Variants in RAPGEF6 observed in about 807,000 individuals in gnomAD.
RAPGEF6 encodes the protein Rap guanine nucleotide exchange factor 6, also known as PDZ domain containing guanine nucleotide exchange factor (GEF) 2.
RAPGEF6 carries 56 observed loss-of-function variants against 171.4 expected under a neutral mutation model. The observed-to-expected ratio is 0.33, with a 90% CI of 0.26 to 0.41. RAPGEF6 has a LOEUF of 0.41. RAPGEF6 is among the 10% of genes least tolerant of loss of function. RAPGEF6 has a pLI of 1.00. For missense variants in RAPGEF6, 1,674 were observed against 1,921.4 expected (o/e 0.87, Z 2.41); for synonymous variants, 692 against 650.1 (o/e 1.06, Z -0.98).
intron 1 of RAPGEF6, among the ~76,000 whole-genome samples, chr5:131,610,255 A>G (rs1764859170): frequency 6.6e-6 from 1 of 152,088 alleles, no homozygotes; most frequent in Admixed American, 6.6e-5. Flanking sequence ...ACAGCTATGG[A>G]CTCTGCATGT....
rs543343449 is a variant in RAPGEF6, at chr5:131,426,026, C to T, written c.*1240G>A. ...CAAAAATGTGAAAAATCTGCCTCATCCAGTAAACAGTCACTGAAATTTTAA... is the reference window on the plus strand; with the variant it reads ...CAAAAATGTGAAAAATCTGCCTCATTCAGTAAACAGTCACTGAAATTTTAA... On this transcript the variant is annotated 3_prime_UTR_variant, in exon 28 of 28. Coordinates refer to ENST00000509018, the MANE Select transcript of RAPGEF6 (RefSeq NM_016340.6). 1 of 151,198 alleles carries T rather than the reference C, an allele frequency of 6.6e-6. No individual in the cohort carries two copies. Among genetic ancestry groups the T allele is most frequent in the Admixed American group, 6.6e-5 (1 of 15,102 alleles). The allele number at this position is 151,198 out of a possible 1,614,324, so 9.4% of individuals were successfully genotyped here.
intron 1 of RAPGEF6, among the ~76,000 whole-genome samples, chr5:131,624,406 A>C (rs1430421604): frequency 6.6e-6 from 1 of 152,230 alleles, no homozygotes; most frequent in African/African-American, 2.4e-5. Flanking sequence ...ATGACTAGCA[A>C]GGAAAGCCCC....
At chr5:131,535,372 A>G (rs996381114) in intron 6 of RAPGEF6, among the ~76,000 whole-genome samples, 4 of 152,192 alleles carry the variant, frequency 2.6e-5, no homozygotes, top group African/African-American at 9.6e-5. Flanking sequence ...AATTTATCAA[A>G]TAACTAAAAT....
chr5:131,573,142 G>A (rs1762404901), intron 4 of RAPGEF6, among the ~76,000 whole-genome samples: 1 of 151,810 alleles, frequency 6.6e-6, no homozygotes, highest in Non-Finnish European at 1.5e-5. Context: ...TTCTCCCCTG[G>A]CCGCACCTTG....
At chr5:131,466,183 A>C (rs1467197326) in intron 17 of RAPGEF6, among the ~76,000 whole-genome samples, 1 of 151,478 alleles carries the variant, frequency 6.6e-6, no homozygotes, top group Non-Finnish European at 1.5e-5. Context: ...AAGGAGTCTT[A>C]GCCAACATAT....
chr5:131,528,338 TACACACACACAC>T (rs372339216), intron 6 of RAPGEF6, among the ~76,000 whole-genome samples: 5 of 26,268 alleles, frequency 1.9e-4, no homozygotes, highest in African/African-American at 3.0e-4. Flanking sequence ...TATATATATA[TACACACACACAC>T]ACATATATAT....
chr5:131,480,306 A>G (rs1755385428), intron 15 of RAPGEF6, among the ~76,000 whole-genome samples: 2 of 152,188 alleles, frequency 1.3e-5, no homozygotes, highest in Middle Eastern at 3.2e-3. Context: ...ATTTGGGTGT[A>G]CATGGGGTGG....
chr5:131,441,280 A>G (rs1371144844), intron 23 of RAPGEF6, among the ~76,000 whole-genome samples: 1 of 152,254 alleles, frequency 6.6e-6, no homozygotes, highest in African/African-American at 2.4e-5. Context: ...AGACTGATAT[A>G]TAAAATTAGT....
chr5:131,602,496 C>T (rs1341937331), intron 3 of RAPGEF6, among the ~76,000 whole-genome samples: 1 of 152,132 alleles, frequency 6.6e-6, no homozygotes, highest in African/African-American at 2.4e-5. Flanking sequence ...CACGGTGGCT[C>T]ACACCTGTAA....
Position 131,629,419 on chromosome 5 carries a change from C to T in RAPGEF6, c.69+5543G>A, listed in dbSNP as rs570195406. Among the ~76,000 whole-genome samples the T allele has an allele frequency of 7.9e-5, 12 of 152,010 alleles. No homozygotes were observed. In the East Asian group the frequency reaches 1.2e-3, roughly 15 times the overall value. ...CCTTTATGAATGACTTTGAAGGGTA[C>T]AACACTTCAGTGAAGGAAGCAACTG... On this transcript the variant is annotated intron_variant, in intron 1 of 27. Transcript: ENST00000509018.
At chr5:131,509,183 C>T (rs960742321) in intron 8 of RAPGEF6, among the ~76,000 whole-genome samples, 4 of 152,142 alleles carry the variant, frequency 2.6e-5, no homozygotes, top group African/African-American at 9.7e-5. Context: ...TAGTATCATT[C>T]AACTTCCCAA....
Position 131,451,242 on chromosome 5 carries a change from T to A in RAPGEF6, c.3200+1812A>T, listed in dbSNP as rs571662990. Among the ~76,000 whole-genome samples the A allele has an allele frequency of 3.3e-5, 5 of 152,244 alleles. No individual in the cohort carries two copies. The South Asian group carries it at 8.3e-4, about 25-fold the overall frequency. On this transcript the variant is annotated intron_variant, in intron 21 of 27. Coordinates refer to ENST00000509018, the MANE Select transcript of RAPGEF6 (RefSeq NM_016340.6). The stretch of plus-strand genomic sequence containing the variant: ...CACACTCTCCCTTCCTTCCATGCTT[T>A]GTGGATCTCTAAACCAGAGAAACCA...
At chr5:131,528,851 C>G (rs901746487) in intron 6 of RAPGEF6, among the ~76,000 whole-genome samples, 6 of 152,086 alleles carry the variant, frequency 3.9e-5, no homozygotes, top group African/African-American at 1.4e-4. Flanking sequence ...TGAAGAAAGT[C>G]TGTCAAGGAG....
intron 1 of RAPGEF6, among the ~76,000 whole-genome samples, chr5:131,613,283 G>A (rs568552165): frequency 8.5e-5 from 13 of 152,174 alleles, no homozygotes; most frequent in Non-Finnish European, 1.6e-4. Context: ...GGTGGCGGGC[G>A]CCTACAGTCC....
intron 4 of RAPGEF6, among the ~76,000 whole-genome samples, chr5:131,564,723 GACA>G (rs776680254): frequency 1.3e-4 from 20 of 152,232 alleles, no homozygotes; most frequent in Middle Eastern, 3.4e-3. Context: ...GAAATCAACA[GACA>G]ACAATATTAT....
chr5:131,577,115 G>T (rs1003249594), intron 4 of RAPGEF6, among the ~76,000 whole-genome samples: 1 of 152,140 alleles, frequency 6.6e-6, no homozygotes, highest in African/African-American at 2.4e-5. Context: ...GGTCTGAGAA[G>T]GCCACCGCAG....
At chr5:131,526,997 C>T (rs900504050) in intron 6 of RAPGEF6, among the ~76,000 whole-genome samples, 1 of 152,064 alleles carries the variant, frequency 6.6e-6, no homozygotes, top group Non-Finnish European at 1.5e-5. Context: ...ATATAATCAG[C>T]AATGCCAAGC....
intron 1 of RAPGEF6, among the ~76,000 whole-genome samples, chr5:131,617,368 CTGTT>C (rs1223486463): frequency 6.6e-6 from 1 of 152,230 alleles, no homozygotes; most frequent in Non-Finnish European, 1.5e-5. Flanking sequence ...TATTTCAGCT[CTGTT>C]AGTTACTACT....
chr5:131,490,718 G>A (rs1756222955), intron 14 of RAPGEF6, among the ~76,000 whole-genome samples: 1 of 152,092 alleles, frequency 6.6e-6, no homozygotes, highest in Non-Finnish European at 1.5e-5. Context: ...AGGAAGGCAA[G>A]AACATATAAT....
Sources: allele counts gnomAD v4.1 joint callset (sites outside exome capture counted in the v4.1 genomes callset), GRCh38; gene constraint gnomAD v4.1.1; transcripts MANE v1.5; gene names NCBI Gene and HGNC (gene_info 2026-07-23, HGNC 2026-07-21).